The following ARHGAP35 variants were observed in gnomAD, a reference collection of about 807,000 sequenced individuals.
ARHGAP35 encodes rho GTPase-activating protein 35.
ARHGAP35 carries 15 observed loss-of-function variants against 111.1 expected under a neutral mutation model. That is an observed-to-expected ratio of 0.13 (90% CI 0.09 to 0.21). ARHGAP35 has a LOEUF of 0.21. ARHGAP35 is among the 10% of genes least tolerant of loss of function. The pLI, the probability that ARHGAP35 is intolerant of heterozygous loss-of-function variation, is 1.00. For missense variants in ARHGAP35, 1,262 were observed against 1,873.0 expected, an observed-to-expected ratio of 0.67 and a Z score of 6.02; for synonymous variants, 643 against 710.3, an observed-to-expected ratio of 0.91 and a Z score of 1.51.
At chr19:46,864,901 A>G (rs1395880479) in intron 1 of ARHGAP35, among the ~76,000 whole-genome samples, 2 of 152,338 alleles carry the variant, frequency 1.3e-5, no homozygotes, top group East Asian at 1.9e-4. Context: ...AATAAAAACA[A>G]CTGTGTATGC....
At position 46,921,995 on chromosome 19, in the gene ARHGAP35, T is replaced by C; in HGVS notation, c.3320T>C (p.Val1107Ala). 6.2e-7 allele frequency: 1 copy of C among 1,613,994 alleles called. No individual in the cohort carries two copies. Among genetic ancestry groups the C allele is most frequent in the Non-Finnish European group, 8.5e-7 (1 of 1,179,896 alleles). Residue 1107 changes from valine to alanine, a missense_variant, in exon 2 of 7, where the codon GTG becomes GCG. Val to Ala is a moderately conservative substitution (Grantham distance 64, BLOSUM62 0). Around this residue, in one of 8 missense-constraint regions of ARHGAP35, gnomAD observed 579 missense variants for 716.9 expected, o/e 0.81. Coordinates refer to ENST00000672722, the MANE Select transcript of ARHGAP35 (RefSeq NM_004491.5). The surrounding 1 kb of genome is among the most constrained non-coding windows in gnomAD (Gnocchi z 4.3). ...PRNEEENIYS[V>A]PHDSTQGKII... ...AATGAAGAAGAAAACATATACTCCG[T>C]GCCCCATGACAGCACCCAAGGCAAA...
intron 1 of ARHGAP35, among the ~76,000 whole-genome samples, chr19:46,898,659 AT>A (rs2056069316): frequency 1.3e-5 from 2 of 152,196 alleles, no homozygotes; most frequent in Non-Finnish European, 2.9e-5. Flanking sequence ...AATGCAAGGG[AT>A]TTATTACAAA....
At position 46,921,189 on chromosome 19, in the gene ARHGAP35, T is replaced by A. The variant is rs773808872; in HGVS notation, c.2514T>A (p.Leu838=). ...AGAAGCGGATTGAACTGTCTGTTCT[T>A]TCATACCATTCCTCCTTTAGCATCA... The part of the protein sequence containing the change: ...LHKKRIELSV[L]SYHSSFSIRK... Residue 838 remains leucine (L), a synonymous_variant, in exon 2 of 7, where the codon CTT becomes CTA. Transcript: ENST00000672722. The surrounding 1 kb of genome is among the most constrained non-coding windows in gnomAD (Gnocchi z 4.3). The A allele has an allele frequency of 1.2e-6, 2 of 1,614,068 alleles. No homozygotes were observed. The highest frequency in any genetic ancestry group is 1.7e-6 in the Non-Finnish European group (2 of 1,179,906).
intron 1 of ARHGAP35, among the ~76,000 whole-genome samples, chr19:46,869,611 A>G (rs987669127): frequency 8.5e-5 from 13 of 152,110 alleles, no homozygotes; most frequent in Non-Finnish European, 1.3e-4. Flanking sequence ...TGCAGCCTGC[A>G]CTACTTAGGA....
intron 1 of ARHGAP35, among the ~76,000 whole-genome samples, chr19:46,897,802 G>C (rs2056065208): frequency 6.6e-6 from 1 of 151,982 alleles, no homozygotes; most frequent in Admixed American, 6.6e-5. Context: ...TGTGTCAGTT[G>C]AACTTCTTCC....
At chr19:46,917,876 G>A (rs2056173004) in intron 1 of ARHGAP35, among the ~76,000 whole-genome samples, 1 of 152,002 alleles carries the variant, frequency 6.6e-6, no homozygotes, top group South Asian at 2.1e-4. Context: ...ACCACACCCA[G>A]CTAATTTTTG....
intron 3 of ARHGAP35, among the ~76,000 whole-genome samples, chr19:46,951,379 A>G (rs1419498732): frequency 6.6e-6 from 1 of 152,072 alleles, no homozygotes; most frequent in Admixed American, 6.6e-5. Flanking sequence ...AGAGAAACCA[A>G]CTGAGTACTT....
chr19:46,996,895 C>A (rs1034840058), intron 5 of ARHGAP35, among the ~76,000 whole-genome samples: 1 of 152,196 alleles, frequency 6.6e-6, no homozygotes, highest in African/African-American at 2.4e-5. Context: ...CGGTGGCTCA[C>A]GCCTGTAATC....
intron 1 of ARHGAP35, among the ~76,000 whole-genome samples, chr19:46,916,221 A>G (rs775415119): frequency 2.6e-5 from 4 of 152,020 alleles, no homozygotes; most frequent in Non-Finnish European, 5.9e-5. Flanking sequence ...GGCGTGAGCC[A>G]CCGCGCCCAG....
intron 3 of ARHGAP35, among the ~76,000 whole-genome samples, chr19:46,984,298 G>A (rs1259835113): frequency 6.6e-6 from 1 of 152,176 alleles, no homozygotes; most frequent in African/African-American, 2.4e-5. Context: ...GCGGGTGTGG[G>A]CCAGAGTCAC....
chr19:46,998,393 T>C (rs1487530451), intron 5 of ARHGAP35, among the ~76,000 whole-genome samples: 1 of 152,206 alleles, frequency 6.6e-6, no homozygotes, highest in African/African-American at 2.4e-5. Flanking sequence ...TGGGGGCATC[T>C]TTCCCTGCAC....
At chr19:46,867,775 TG>T (rs1225818393) in intron 1 of ARHGAP35, among the ~76,000 whole-genome samples, 6 of 151,724 alleles carry the variant, frequency 4.0e-5, no homozygotes, top group Admixed American at 6.6e-5. Flanking sequence ...TTGTTGTTGT[TG>T]TTTTTTTTTT....
rs201647524 is a variant in ARHGAP35 at position 46,919,439 on chromosome 19, A to G, written c.764A>G (p.Lys255Arg). 3.1e-5 allele frequency: 50 copies of G among 1,613,982 alleles called. No homozygotes were observed. Among genetic ancestry groups the G allele is most frequent in the Non-Finnish European group, 2.7e-5 (32 of 1,179,892 alleles). Residue 255 changes from lysine (K) to arginine (R), a missense_variant, in exon 2 of 7, where the codon AAA becomes AGA. Lys to Arg is a conservative substitution (Grantham distance 26). Around this residue, in one of 8 missense-constraint regions of ARHGAP35, gnomAD observed 328 missense variants for 440.8 expected, o/e 0.74. Coordinates refer to ENST00000672722, the MANE Select transcript of ARHGAP35 (RefSeq NM_004491.5). This position sits in a 1 kb window ranked among gnomAD's most constrained non-coding sequence, Gnocchi z 6.2. ...ATTGATAAAAGTCGGGGAAAGACAA[A>G]AATCATTCCTTATTTTGAAGCTCTC... is the stretch of plus-strand genomic sequence containing the variant. ...QLIDKSRGKT[K>R]IIPYFEALKQ...
intron 3 of ARHGAP35, among the ~76,000 whole-genome samples, chr19:46,964,961 G>C (rs1160266841): frequency 6.6e-6 from 1 of 152,276 alleles, no homozygotes; most frequent in East Asian, 1.9e-4. Context: ...ACTACCTTTT[G>C]ATAGCCTTCC....
At chr19:46,936,741 A>G (rs1238099360) in intron 2 of ARHGAP35, among the ~76,000 whole-genome samples, 3 of 152,152 alleles carry the variant, frequency 2.0e-5, no homozygotes, top group Admixed American at 2.0e-4. Context: ...TCTCATACTC[A>G]AGGTGTGACT....
intron 3 of ARHGAP35, among the ~76,000 whole-genome samples, chr19:46,939,975 G>C (rs953169745): frequency 6.6e-6 from 1 of 151,522 alleles, no homozygotes; most frequent in Non-Finnish European, 1.5e-5. Context: ...AGTGGCTCAC[G>C]ACTGTAGTCC....
In ARHGAP35 at chr19:46,999,706, T is replaced by C; in HGVS notation, c.4142+297T>C. ...GGGCATGGGGCCTCTTGTAGGCCTG[T>C]GTCCCAAAGCTGGCAGAGAGAGAAG... is the stretch of plus-strand genomic sequence containing the variant. On this transcript the variant is annotated intron_variant, in intron 6 of 6. Coordinates refer to ENST00000672722, the MANE Select transcript of ARHGAP35 (RefSeq NM_004491.5). This position sits in a 1 kb window ranked among gnomAD's most constrained non-coding sequence, Gnocchi z 5.4. 2.5e-6 allele frequency: 1 copy of C among 397,242 alleles called. No individual in the cohort carries two copies. The highest frequency in any genetic ancestry group is 4.2e-5 in the East Asian group (1 of 24,088). The allele number at this position is 397,242 out of a possible 1,614,324, so 24.6% of individuals were successfully genotyped here. A position where few individuals can be genotyped will look rare whatever the true frequency, so the allele number is the denominator to read the frequency against.
chr19:46,969,338 G>C (rs990048127), intron 3 of ARHGAP35, among the ~76,000 whole-genome samples: 2 of 152,234 alleles, frequency 1.3e-5, no homozygotes, highest in African/African-American at 4.8e-5. Flanking sequence ...ACGGAGGATA[G>C]GTGGATAGAT....
At chr19:46,888,265 T>A (rs1303706766) in intron 1 of ARHGAP35, among the ~76,000 whole-genome samples, 3 of 1,772 alleles carry the variant, frequency 1.7e-3, no homozygotes, top group African/African-American at 6.0e-3. Context: ...ATCAATAATA[T>A]ATATATATAT....
Sources: allele counts gnomAD v4.1 joint callset (sites outside exome capture counted in the v4.1 genomes callset), GRCh38; gene constraint gnomAD v4.1.1; regional missense constraint gnomAD v4.1.1; non-coding constraint Gnocchi (gnomAD v3.1); transcripts MANE v1.5; gene names NCBI Gene and HGNC (gene_info 2026-07-23, HGNC 2026-07-21).